The following ASIC2 variants were observed in gnomAD, a reference collection of about 807,000 sequenced individuals.
ASIC2 encodes the protein acid-sensing ion channel 2.
In ASIC2, 25 loss-of-function variants were observed where a neutral mutation model predicts 57.3. That is an observed-to-expected ratio of 0.44 (90% CI 0.32 to 0.61). The LOEUF is 0.61. Among genes scored for constraint, ASIC2 ranks in the 20% least tolerant of loss-of-function variants. The pLI is 0.06. For synonymous variants in ASIC2, 319 were observed against 307.5 expected (o/e 1.04, Z -0.39); for missense variants, 641 against 738.1 (o/e 0.87, Z 1.52).
At chr17:33,181,718 C>T (rs573273218) in intron 1 of ASIC2, among the ~76,000 whole-genome samples, 8 of 152,198 alleles carry the variant, frequency 5.3e-5, no homozygotes, top group African/African-American at 1.9e-4. Flanking sequence ...TCAATTCCAG[C>T]GGTATGTTCC....
intron 1 of ASIC2, chr17:34,155,614 T>A: frequency 4.1e-6 from 1 of 242,544 alleles, no homozygotes; most frequent in Non-Finnish European, 8.0e-6. Context: ...GAATGCCACC[T>A]CGTCAATGAC....
chr17:33,838,822 G>T (rs1479103623), intron 1 of ASIC2, among the ~76,000 whole-genome samples: 2 of 152,154 alleles, frequency 1.3e-5, no homozygotes, highest in Non-Finnish European at 2.9e-5. Flanking sequence ...AGTCTCTGAG[G>T]TCTACCAAGC....
chr17:34,134,262 T>A (rs921472882), intron 1 of ASIC2, among the ~76,000 whole-genome samples: 1 of 152,188 alleles, frequency 6.6e-6, no homozygotes, highest in Non-Finnish European at 1.5e-5. Context: ...TTGTAAATGG[T>A]CACTTCTCTC....
intron 1 of ASIC2, chr17:34,118,748 T>G (rs944714977): frequency 6.6e-6 from 1 of 152,244 alleles, no homozygotes; most frequent in Admixed American, 6.5e-5. Context: ...AGGAGGTGAG[T>G]GTGTCCTTAC....
At chr17:33,506,193 G>C (rs1315795505) in intron 1 of ASIC2, among the ~76,000 whole-genome samples, 1 of 144,262 alleles carries the variant, frequency 6.9e-6, no homozygotes, top group African/African-American at 2.6e-5. Flanking sequence ...AGGAGATTGA[G>C]ACCATCCTGG....
chr17:33,040,358 A>G (rs1452358371), intron 3 of ASIC2, among the ~76,000 whole-genome samples: 2 of 152,224 alleles, frequency 1.3e-5, no homozygotes, highest in Admixed American at 6.5e-5. Context: ...CTTCTTCACA[A>G]TGGTGTCAGC....
intron 1 of ASIC2, among the ~76,000 whole-genome samples, chr17:33,510,949 G>A (rs1056468671): frequency 1.3e-5 from 2 of 152,208 alleles, no homozygotes; most frequent in Non-Finnish European, 1.5e-5. Context: ...AGGCCGTAGA[G>A]TCTGTTGTCT....
chr17:33,889,238 T>A (rs1914902678), intron 1 of ASIC2, among the ~76,000 whole-genome samples: 1 of 152,074 alleles, frequency 6.6e-6, no homozygotes, highest in Non-Finnish European at 1.5e-5. Flanking sequence ...CAACCCCCCC[T>A]CGTTTTTCAG....
At chr17:34,063,191 C>A (rs1478435231) in intron 1 of ASIC2, among the ~76,000 whole-genome samples, 1 of 152,140 alleles carries the variant, frequency 6.6e-6, no homozygotes, top group African/African-American at 2.4e-5. Flanking sequence ...GGGTTTCATA[C>A]CAGGAATGCA....
intron 1 of ASIC2, among the ~76,000 whole-genome samples, chr17:34,086,249 C>T (rs955981107): frequency 1.3e-4 from 20 of 151,228 alleles, no homozygotes; most frequent in African/African-American, 4.4e-4. Flanking sequence ...TCTTTGTTCT[C>T]GTTGGTTTCA....
At chr17:33,019,369 G>A (rs940515587) in intron 7 of ASIC2, among the ~76,000 whole-genome samples, 2 of 151,846 alleles carry the variant, frequency 1.3e-5, no homozygotes, top group Non-Finnish European at 2.9e-5. Flanking sequence ...GCTTGTGTGT[G>A]TATATGGGGG....
At chr17:33,169,322 T>C (rs1389376542) in intron 1 of ASIC2, among the ~76,000 whole-genome samples, 3 of 152,226 alleles carry the variant, frequency 2.0e-5, no homozygotes, top group Non-Finnish European at 4.4e-5. Flanking sequence ...GCTGTGTCTC[T>C]TTCCTTCCAA....
At chr17:33,550,814 G>T (rs1915729458) in intron 1 of ASIC2, among the ~76,000 whole-genome samples, 1 of 152,198 alleles carries the variant, frequency 6.6e-6, no homozygotes, top group African/African-American at 2.4e-5. Flanking sequence ...AGCAAAAGAA[G>T]CTATGGCAAG....
intron 1 of ASIC2, among the ~76,000 whole-genome samples, chr17:33,261,657 C>T (rs1909284450): frequency 6.6e-6 from 1 of 152,158 alleles, no homozygotes; most frequent in Admixed American, 6.5e-5. Context: ...ATTTAGGACT[C>T]ATAACTGTCC....
intron 1 of ASIC2, among the ~76,000 whole-genome samples, chr17:34,091,637 G>A (rs1181074251): frequency 1.3e-5 from 2 of 152,214 alleles, no homozygotes; most frequent in East Asian, 1.9e-4. Flanking sequence ...TTTCTCAAGT[G>A]GAAAGCACTT....
At chr17:33,992,548 G>T (rs1409449659) in intron 1 of ASIC2, among the ~76,000 whole-genome samples, 1 of 151,992 alleles carries the variant, frequency 6.6e-6, no homozygotes, top group Non-Finnish European at 1.5e-5. Flanking sequence ...AAGGGTGCGG[G>T]GTGAATTCAC....
At chr17:34,101,485 G>T (rs2142100759) in intron 1 of ASIC2, among the ~76,000 whole-genome samples, 1 of 152,198 alleles carries the variant, frequency 6.6e-6, no homozygotes, top group South Asian at 2.1e-4. Context: ...GAGTACCCAG[G>T]GTCACTGAGG....
intron 3 of ASIC2, among the ~76,000 whole-genome samples, chr17:33,058,470 C>CAAAAAAAAAAA (rs10612611): frequency 2.7e-5 from 3 of 109,724 alleles, no homozygotes; most frequent in African/African-American, 1.0e-4. Context: ...TCTGAGAAGT[C>CAAAAAAAAAAA]AAAAAAAAAA....
At chr17:34,038,363 A>C in intron 1 of ASIC2, 1 of 1,611,150 alleles carries the variant, frequency 6.2e-7, no homozygotes. Context: ...CAGCTTAACT[A>C]TTCTGGGATG....
Sources: gnomAD v4.1 joint callset for allele counts (sites outside exome capture counted in the v4.1 genomes callset) on GRCh38, gnomAD v4.1.1 for gene constraint, MANE v1.5 for transcripts, NCBI Gene and HGNC (gene_info 2026-07-23, HGNC 2026-07-21) for gene names.